Variants in GALNT10 observed in about 807,000 individuals in gnomAD.
GALNT10 encodes GalNAc transferase 10.
A neutral mutation model predicts 75.0 loss-of-function variants in GALNT10; 41 were observed. The observed-to-expected ratio is 0.55, with a 90% confidence interval of 0.43 to 0.71. The LOEUF is 0.71. Ranked by LOEUF, GALNT10 falls within the 30% of genes least tolerant of loss-of-function variation. The pLI is 0.00. For missense variants in GALNT10, 727 were observed against 818.5 expected, an observed-to-expected ratio of 0.89 and a Z score of 1.36; for synonymous variants, 302 against 313.0, an observed-to-expected ratio of 0.96 and a Z score of 0.37.
chr5:154,338,372 A>G (rs1423588910), intron 4 of GALNT10: 3 of 451,974 alleles, frequency 6.6e-6, no homozygotes, highest in Non-Finnish European at 8.3e-6. Context: ...TCAGGCTCTC[A>G]TCAGTTGTTT....
intron 1 of GALNT10, among the ~76,000 whole-genome samples, chr5:154,256,854 T>C (rs1273440174): frequency 2.0e-5 from 3 of 152,124 alleles, no homozygotes; most frequent in African/African-American, 7.2e-5. Flanking sequence ...TCCCATCTTA[T>C]CATGTACCCC....
At chr5:154,337,497 C>T in intron 4 of GALNT10, 2 of 729,204 alleles carry the variant, frequency 2.7e-6, no homozygotes, top group East Asian at 2.5e-5. Context: ...ATGGCTACTG[C>T]TGGTACTAGA....
intron 8 of GALNT10, among the ~76,000 whole-genome samples, chr5:154,405,105 C>T (rs971903270): frequency 1.3e-5 from 2 of 152,158 alleles, no homozygotes; most frequent in African/African-American, 4.8e-5. Flanking sequence ...CTCCGGGGAG[C>T]CTGTGAGCCC....
At chr5:154,335,276 A>G (rs1411676935) in intron 4 of GALNT10, among the ~76,000 whole-genome samples, 1 of 152,180 alleles carries the variant, frequency 6.6e-6, no homozygotes, top group Non-Finnish European at 1.5e-5. Context: ...GTGCTATGAT[A>G]TAAGAGGAAT....
chr5:154,384,037 G>A (rs1755772937), intron 6 of GALNT10, among the ~76,000 whole-genome samples: 1 of 152,126 alleles, frequency 6.6e-6, no homozygotes. Context: ...GAAGTGCTGA[G>A]CAAAGAGGAA....
At chr5:154,218,091 C>A in intron 1 of GALNT10, 1 of 985,226 alleles carries the variant, frequency 1.0e-6, no homozygotes, top group Non-Finnish European at 1.2e-6. Flanking sequence ...TTCCCACCGC[C>A]CAAGAGCAGA....
intron 1 of GALNT10, among the ~76,000 whole-genome samples, chr5:154,246,143 A>AT (rs36165395): frequency 0.4 from 60,455 of 151,320 alleles, 14,293 homozygotes; most frequent in East Asian, 0.75. Context: ...TGAATTCATC[A>AT]TTTTTTTTGG....
intron 1 of GALNT10, among the ~76,000 whole-genome samples, chr5:154,239,656 C>G (rs1012269170): frequency 3.3e-5 from 5 of 152,178 alleles, no homozygotes; most frequent in African/African-American, 4.8e-5. Context: ...AGGTCTCTGC[C>G]ATTAATCGAA....
At chr5:154,293,073 G>C (rs1754219456) in intron 1 of GALNT10, among the ~76,000 whole-genome samples, 1 of 152,148 alleles carries the variant, frequency 6.6e-6, no homozygotes, top group Non-Finnish European at 1.5e-5. Flanking sequence ...GAATACAAAG[G>C]ATTGTTATTA....
chr5:154,408,913 A>C, intron 8 of GALNT10, among the ~76,000 whole-genome samples: 1 of 152,100 alleles, frequency 6.6e-6, no homozygotes, highest in East Asian at 1.9e-4. Context: ...TTCTGGTGTT[A>C]AAAGGCGGAA....
chr5:154,225,119 G>A (rs1753041704), intron 1 of GALNT10, among the ~76,000 whole-genome samples: 1 of 150,836 alleles, frequency 6.6e-6, no homozygotes, highest in African/African-American at 2.4e-5. Flanking sequence ...TTTAGACAGA[G>A]TCTTGCTCTG....
At chr5:154,230,610 C>T (rs1260712376) in intron 1 of GALNT10, among the ~76,000 whole-genome samples, 2 of 152,228 alleles carry the variant, frequency 1.3e-5, no homozygotes, top group African/African-American at 4.8e-5. Flanking sequence ...AGAGAGATAA[C>T]AGGTAACAAG....
intron 1 of GALNT10, among the ~76,000 whole-genome samples, chr5:154,225,475 T>C (rs13185869): frequency 0.37 from 55,366 of 151,456 alleles, 12,230 homozygotes; most frequent in East Asian, 0.84. Context: ...ACTGCAGCCT[T>C]GACCTCCTGG....
At chr5:154,276,079 A>T (rs1414658329) in intron 1 of GALNT10, among the ~76,000 whole-genome samples, 2 of 152,222 alleles carry the variant, frequency 1.3e-5, no homozygotes, top group Non-Finnish European at 2.9e-5. Context: ...TAAAACAATA[A>T]GAATTTATTA....
At chr5:154,244,859 G>A (rs939284982) in intron 1 of GALNT10, among the ~76,000 whole-genome samples, 2 of 152,188 alleles carry the variant, frequency 1.3e-5, no homozygotes, top group African/African-American at 4.8e-5. Flanking sequence ...CCAGCAGAGA[G>A]AACACAGCAC....
intron 1 of GALNT10, among the ~76,000 whole-genome samples, chr5:154,283,962 G>A (rs1248656066): frequency 9.9e-5 from 15 of 152,194 alleles, no homozygotes; most frequent in Admixed American, 9.8e-4. Context: ...CTCAAAGTCT[G>A]GGATCCACAA....
chr5:154,233,225 G>A (rs1441928503), intron 1 of GALNT10, among the ~76,000 whole-genome samples: 1 of 152,210 alleles, frequency 6.6e-6, no homozygotes, highest in African/African-American at 2.4e-5. Context: ...TCCTGGGCCT[G>A]CTTGGCTGTT....
At chr5:154,217,673 CA>C (rs1236351152) in intron 1 of GALNT10, among the ~76,000 whole-genome samples, 1 of 152,184 alleles carries the variant, frequency 6.6e-6, no homozygotes, top group Non-Finnish European at 1.5e-5. Flanking sequence ...GTCACCAAAA[CA>C]AGTGTGGTGA....
chr5:154,333,826 A>G (rs751951727), intron 4 of GALNT10, among the ~76,000 whole-genome samples: 3 of 152,206 alleles, frequency 2.0e-5, no homozygotes, highest in Non-Finnish European at 4.4e-5. Context: ...CACACCCTTC[A>G]GACTTGCACC....
Sources: gnomAD v4.1 joint callset for allele counts (sites outside exome capture counted in the v4.1 genomes callset) on GRCh38, gnomAD v4.1.1 for gene constraint, MANE v1.5 for transcripts, NCBI Gene and HGNC (gene_info 2026-07-23, HGNC 2026-07-21) for gene names.